The following XPO5 variants were observed in gnomAD, a reference collection of about 807,000 sequenced individuals.
The protein encoded by XPO5 is exportin-5.
Under a neutral mutation model 160.6 loss-of-function variants are expected in XPO5, and 46 were observed. The observed-to-expected ratio is 0.29, with a 90% CI of 0.23 to 0.37. XPO5 has a LOEUF of 0.37. Among genes scored for constraint, XPO5 ranks in the 10% least tolerant of loss-of-function variants. The pLI is 1.00. For synonymous variants in XPO5, 537 were observed against 519.3 expected (o/e 1.03, Z -0.46); for missense variants, 1,090 against 1,463.9 (o/e 0.74, Z 4.17).
intron 21 of XPO5, 117 bp from the exon 22 acceptor site, chr6:43,531,692 G>A (rs1036194243): frequency 4.7e-6 from 4 of 852,722 alleles, no homozygotes; most frequent in African/African-American, 1.7e-5. Flanking sequence ...GTCTGGTGCT[G>A]TACTGCAAAG....
intron 15 of XPO5, 109 bp from the exon 16 acceptor site, chr6:43,550,043 G>T: frequency 1.7e-6 from 2 of 1,170,992 alleles, no homozygotes; most frequent in South Asian, 1.3e-5. Flanking sequence ...TGATTCTCCT[G>T]CTTTAGCCTT....
chr6:43,524,708 C>A, intron 30 of XPO5, 73 bp from the exon 31 acceptor site: 1 of 1,589,434 alleles, frequency 6.3e-7, no homozygotes, highest in Non-Finnish European at 8.6e-7. Context: ...CTGCCACACC[C>A]ATTTCTCAGA....
intron 20 of XPO5, among the ~76,000 whole-genome samples, chr6:43,542,857 A>G (rs146166977): frequency 8.1e-4 from 124 of 152,258 alleles, no homozygotes; most frequent in African/African-American, 2.7e-3. Flanking sequence ...TAGGAATTCT[A>G]CTCCTATGTG....
chr6:43,567,287 G>A lies in XPO5; in HGVS notation c.716C>T (p.Ser239Phe), dbSNP rs771029892. ...NTLAGYIDWV[S>F]MSHITAENCK... ...GTTTTCAGCAGTGATGTGACTCATA[G>A]ACACCCAGTCAATATAGCCTGCTAG... The change falls in exon 7 of 32, where the codon TCT (serine) becomes TTT (phenylalanine). Residue 239 changes from serine (S) to phenylalanine (F), a missense_variant. Ser to Phe is a radical substitution (Grantham distance 155). Coordinates refer to ENST00000265351, the MANE Select transcript of XPO5 (RefSeq NM_020750.3). The A allele has an allele frequency of 2.2e-5, 35 of 1,613,950 alleles. No homozygotes were observed. The highest frequency in any genetic ancestry group is 2.9e-5 in the Non-Finnish European group (34 of 1,179,882).
intron 29 of XPO5, 36 bp from the exon 30 acceptor site, chr6:43,525,004 C>T: frequency 6.2e-7 from 1 of 1,606,804 alleles, no homozygotes; most frequent in Non-Finnish European, 8.5e-7. Flanking sequence ...CCACAGGGGG[C>T]CTCTCTCAAG....
intron 23 of XPO5, 123 bp downstream of exon 23, chr6:43,530,565 T>TA: frequency 8.4e-7 from 1 of 1,187,480 alleles, no homozygotes; most frequent in Non-Finnish European, 1.2e-6. Context: ...ATGATACACT[T>TA]AGATACATAA....
Position 43,533,931 on chromosome 6 carries a change from C to T in XPO5, c.2419G>A (p.Asp807Asn). 7 of 1,605,950 alleles carry T rather than the reference C, an allele frequency of 4.4e-6. No homozygotes were observed. Among genetic ancestry groups the T allele is most frequent in the Non-Finnish European group, 6.0e-6 (7 of 1,175,020 alleles). ...CCTAATATAGCAGATTTTTCCGCGTCAAGCATATCCAGAGCCTTGGTGAAA... is the reference window on the plus strand; with the variant it reads ...CCTAATATAGCAGATTTTTCCGCGTTAAGCATATCCAGAGCCTTGGTGAAA... ...EPFTKALDML[D>N]AEKSAILGLP... The change falls in exon 21 of 32, where the codon GAC (aspartate) becomes AAC (asparagine). Residue 807 changes from aspartate to asparagine, a missense_variant. Physicochemically the swap from Asp to Asn is conservative, Grantham distance 23. Coordinates refer to ENST00000265351, the MANE Select transcript of XPO5 (RefSeq NM_020750.3).
intron 27 of XPO5, 88 bp downstream of exon 27, chr6:43,526,597 C>T (rs1285344620): frequency 6.1e-6 from 9 of 1,485,274 alleles, no homozygotes; most frequent in South Asian, 5.9e-5. Flanking sequence ...CTTCTCCTCA[C>T]CAGACTGCAA....
chr6:43,538,740 CATAAA>C, intron 20 of XPO5: 1 of 524,220 alleles, frequency 1.9e-6, no homozygotes, highest in Non-Finnish European at 3.2e-6. Flanking sequence ...AAATAAGCCT[CATAAA>C]ATGAGTTATG....
At chr6:43,534,028 A>G (rs753912000) in intron 20 of XPO5, 21 bp from the exon 21 acceptor site, 2 of 1,570,824 alleles carry the variant, frequency 1.3e-6, no homozygotes, top group Non-Finnish European at 1.7e-6. Flanking sequence ...CAAGAATGCT[A>G]TTGAGCTTTT....
intron 11 of XPO5, among the ~76,000 whole-genome samples, chr6:43,559,303 A>T (rs1762279117): frequency 6.6e-6 from 1 of 152,206 alleles, no homozygotes; most frequent in African/African-American, 2.4e-5. Context: ...TCTCAAAAAA[A>T]AACACAGAAC....
At chr6:43,525,691 C>G (rs144041302) in intron 28 of XPO5, 148 bp downstream of exon 28, 1 of 810,096 alleles carries the variant, frequency 1.2e-6, no homozygotes, top group South Asian at 1.9e-5. Context: ...CCTTTTCCCT[C>G]GGTTTTTTCT....
chr6:43,546,288 T>C (rs528860245), intron 20 of XPO5, among the ~76,000 whole-genome samples: 3 of 151,650 alleles, frequency 2.0e-5, no homozygotes, highest in East Asian at 1.9e-4. Flanking sequence ...CAAGTAAAAA[T>C]AGGGATGAAG....
chr6:43,569,379 T>C (rs755601310), intron 5 of XPO5, among the ~76,000 whole-genome samples: 2 of 151,732 alleles, frequency 1.3e-5, no homozygotes, highest in Admixed American at 6.6e-5. Context: ...TATACAAATA[T>C]GGTTGATTTT....
intron 10 of XPO5, 55 bp from the exon 11 acceptor site, chr6:43,560,358 A>T: frequency 6.7e-7 from 1 of 1,502,964 alleles, no homozygotes; most frequent in Non-Finnish European, 8.9e-7. Flanking sequence ...TATAACCCAG[A>T]TTATTACTTA....
At chr6:43,548,735 T>G (rs1367862105) in intron 17 of XPO5, among the ~76,000 whole-genome samples, 1 of 150,672 alleles carries the variant, frequency 6.6e-6, no homozygotes, top group African/African-American at 2.4e-5. Flanking sequence ...TATATATAGA[T>G]ATATATGTAT....
chr6:43,538,442 G>A (rs1469532085), intron 20 of XPO5, among the ~76,000 whole-genome samples: 6 of 152,020 alleles, frequency 3.9e-5, no homozygotes, highest in Admixed American at 3.3e-4. Context: ...GAGGCACCAC[G>A]CTAAGCCTAA....
At chr6:43,532,421 G>T (rs981804742) in intron 21 of XPO5, among the ~76,000 whole-genome samples, 3 of 152,168 alleles carry the variant, frequency 2.0e-5, no homozygotes, top group Non-Finnish European at 4.4e-5. Flanking sequence ...AAACTATGGG[G>T]GCTGTGATGG....
intron 6 of XPO5, among the ~76,000 whole-genome samples, chr6:43,567,876 C>T (rs1315835145): frequency 6.7e-6 from 1 of 149,630 alleles, no homozygotes; most frequent in Non-Finnish European, 1.5e-5. Context: ...GCTGAAGCTG[C>T]AGTGAGCCAC....
Sources: gnomAD v4.1 joint callset for allele counts (sites outside exome capture counted in the v4.1 genomes callset) on GRCh38, gnomAD v4.1.1 for gene constraint, MANE v1.5 for transcripts, NCBI Gene and HGNC (gene_info 2026-07-23, HGNC 2026-07-21) for gene names.